The following CAMTA1 variants were observed in gnomAD, a reference collection of about 807,000 sequenced individuals.
CAMTA1 encodes the protein calmodulin binding transcription activator 1, also known as calmodulin-binding transcription activator 1.
Under a neutral mutation model 170.9 loss-of-function variants are expected in CAMTA1, and 27 were observed. The ratio of observed to expected loss-of-function variants is 0.16; its 90% CI spans 0.12 to 0.22. CAMTA1 has a LOEUF of 0.22. Ranked by LOEUF, CAMTA1 falls within the 10% of genes least tolerant of loss-of-function variation. The probability of loss-of-function intolerance (pLI) is 1.00; values close to 1 mark genes in which losing one functional copy is unlikely to be tolerated. For missense variants in CAMTA1, 1,619 were observed against 2,217.2 expected (o/e 0.73, Z 5.42); for synonymous variants, 833 against 891.5 (o/e 0.93, Z 1.17).
At chr1:7,233,108 TGA>T (rs1402285116) in intron 4 of CAMTA1, among the ~76,000 whole-genome samples, 1 of 152,198 alleles carries the variant, frequency 6.6e-6, no homozygotes, top group Non-Finnish European at 1.5e-5. Context: ...TGCATGCTAA[TGA>T]TAAATGACAA....
At chr1:6,966,257 A>G (rs1691521110) in intron 3 of CAMTA1, among the ~76,000 whole-genome samples, 1 of 152,212 alleles carries the variant, frequency 6.6e-6, no homozygotes, top group African/African-American at 2.4e-5. Flanking sequence ...TATATTCACA[A>G]AAACGTGCAA....
chr1:6,900,763 T>C (rs756193211), intron 3 of CAMTA1, among the ~76,000 whole-genome samples: 1 of 152,166 alleles, frequency 6.6e-6, no homozygotes, highest in Admixed American at 6.5e-5. Flanking sequence ...CCACAAAATA[T>C]CTGTGAGAGA....
At chr1:6,883,460 A>C (rs943400714) in intron 3 of CAMTA1, among the ~76,000 whole-genome samples, 1 of 152,132 alleles carries the variant, frequency 6.6e-6, no homozygotes, top group Non-Finnish European at 1.5e-5. Context: ...AGGAGAGGGC[A>C]GGGAGTTGGA....
intron 3 of CAMTA1, among the ~76,000 whole-genome samples, chr1:6,928,534 C>T (rs556600336): frequency 4.2e-4 from 64 of 152,158 alleles, no homozygotes; most frequent in African/African-American, 1.5e-3. Flanking sequence ...CTGCCCTCCC[C>T]ACCCTAACTC....
intron 10 of CAMTA1, chr1:7,672,177 G>A (rs554337302): frequency 1.7e-5 from 7 of 419,466 alleles, no homozygotes; most frequent in South Asian, 1.0e-4. Flanking sequence ...CTAGAAAGGA[G>A]AGAAGATGCT....
chr1:7,322,602 TTC>T (rs1229137355), intron 5 of CAMTA1, among the ~76,000 whole-genome samples: 3 of 152,262 alleles, frequency 2.0e-5, no homozygotes, highest in East Asian at 3.8e-4. Flanking sequence ...TCAAGCCACT[TTC>T]TGTTTCTTTT....
Position 7,570,868 on chromosome 1 carries a change from C to G in CAMTA1, c.511-69532C>G, listed in dbSNP as rs1478819963. Reference sequence around the variant, plus strand: ...GAGTCAGAATCCAAGCCTGGCCTCCCCCATGAACCAGCTGGGTGATGTCAG... The same window carrying G: ...GAGTCAGAATCCAAGCCTGGCCTCCGCCATGAACCAGCTGGGTGATGTCAG... On this transcript the variant is annotated intron_variant, in intron 6 of 22. Coordinates refer to ENST00000303635, the MANE Select transcript of CAMTA1 (RefSeq NM_015215.4). This position sits in a 1 kb window ranked among gnomAD's most constrained non-coding sequence, Gnocchi z 4.3. Among the ~76,000 whole-genome samples, 1 of 152,184 alleles carries G rather than the reference C, an allele frequency of 6.6e-6. No individual in the cohort carries two copies. Among genetic ancestry groups the G allele is most frequent in the African/African-American group, 2.4e-5 (1 of 41,464 alleles).
chr1:7,496,532 G>A (rs1557814172), intron 6 of CAMTA1, among the ~76,000 whole-genome samples: 1 of 152,212 alleles, frequency 6.6e-6, no homozygotes, highest in Admixed American at 6.5e-5. Flanking sequence ...TGGCTGCAGT[G>A]TCTGCCCTGT....
At chr1:6,982,438 C>T (rs1193105781) in intron 3 of CAMTA1, among the ~76,000 whole-genome samples, 1 of 152,232 alleles carries the variant, frequency 6.6e-6, no homozygotes, top group Non-Finnish European at 1.5e-5. Context: ...CCTGGAGAGG[C>T]ACCTCTCATT....
chr1:7,310,652 TTTC>T (rs1676420307), intron 5 of CAMTA1, among the ~76,000 whole-genome samples: 5 of 58,978 alleles, frequency 8.5e-5, no homozygotes, highest in African/African-American at 4.8e-4. Flanking sequence ...TTCTTTTTTC[TTTC>T]TTTCTTTCTT....
chr1:7,761,081 C>T (rs1374388575), intron 22 of CAMTA1, among the ~76,000 whole-genome samples: 3 of 152,146 alleles, frequency 2.0e-5, no homozygotes, highest in African/African-American at 4.8e-5. Context: ...CAGTACATTA[C>T]GATGCAACTT....
At chr1:6,880,681 T>C (rs12140089) in intron 3 of CAMTA1, among the ~76,000 whole-genome samples, 28,808 of 152,222 alleles carry the variant, frequency 0.19, 2,793 homozygotes, top group East Asian at 0.28. Flanking sequence ...TGAGCCATTA[T>C]GTCCGGCCTC....
At chr1:6,925,515 C>T (rs1417300391) in intron 3 of CAMTA1, among the ~76,000 whole-genome samples, 1 of 152,170 alleles carries the variant, frequency 6.6e-6, no homozygotes. Flanking sequence ...TGTGCTCGAT[C>T]TTTCCAAGTG....
intron 6 of CAMTA1, among the ~76,000 whole-genome samples, chr1:7,558,967 C>T (rs1040071116): frequency 6.6e-6 from 1 of 152,180 alleles, no homozygotes; most frequent in African/African-American, 2.4e-5. Flanking sequence ...GGCTGGGTCT[C>T]GGACCCCCGT....
At chr1:7,383,746 ATGT>A (rs1254863992) in intron 5 of CAMTA1, among the ~76,000 whole-genome samples, 1 of 151,850 alleles carries the variant, frequency 6.6e-6, no homozygotes, top group East Asian at 1.9e-4. Context: ...GGTGCTGCTG[ATGT>A]TGTTGAAGAT....
chr1:7,639,794 A>C (rs1043694324), intron 6 of CAMTA1, among the ~76,000 whole-genome samples: 4 of 151,356 alleles, frequency 2.6e-5, no homozygotes, highest in African/African-American at 9.8e-5. Context: ...AAAGTGCTTC[A>C]TTGCAGGGCT....
intron 6 of CAMTA1, among the ~76,000 whole-genome samples, chr1:7,549,277 T>G (rs1381789522): frequency 4.6e-5 from 7 of 151,886 alleles, no homozygotes; most frequent in Non-Finnish European, 7.4e-5. Context: ...GGGTCCCTCT[T>G]AGGGGTGGAG....
chr1:7,421,396 C>T (rs553052914), intron 5 of CAMTA1, among the ~76,000 whole-genome samples: 18 of 152,276 alleles, frequency 1.2e-4, no homozygotes, highest in African/African-American at 3.8e-4. Flanking sequence ...TCAGCTCATC[C>T]GCCCGTCCCG....
intron 3 of CAMTA1, among the ~76,000 whole-genome samples, chr1:7,072,114 C>A (rs528896305): frequency 2.4e-4 from 37 of 152,360 alleles, no homozygotes; most frequent in African/African-American, 8.2e-4. Flanking sequence ...TCAATGCTGA[C>A]CTATCCCAGC....
Sources: allele counts gnomAD v4.1 joint callset (sites outside exome capture counted in the v4.1 genomes callset), GRCh38; gene constraint gnomAD v4.1.1; non-coding constraint Gnocchi (gnomAD v3.1); transcripts MANE v1.5; gene names NCBI Gene and HGNC (gene_info 2026-07-23, HGNC 2026-07-21).